The following GPR160 variants were observed in gnomAD, a reference collection of about 807,000 sequenced individuals.
GPR160 encodes G protein-coupled receptor 160.
A neutral mutation model predicts 2.6 loss-of-function variants in GPR160; 2 were observed. That is an observed-to-expected ratio of 0.77 (90% CI 0.32 to 2.44). GPR160 has a LOEUF of 2.44. Ranked by LOEUF, GPR160 falls within the 30% of genes most tolerant of loss-of-function variation. The pLI, the probability that GPR160 is intolerant of heterozygous loss-of-function variation, is 0.11. For synonymous variants in GPR160, 130 were observed against 132.2 expected, an observed-to-expected ratio of 0.98 and a Z score of 0.12; for missense variants, 351 against 383.6, an observed-to-expected ratio of 0.91 and a Z score of 0.71.
At chr3:170,076,027 C>T (rs958610959) in intron 2 of GPR160, among the ~76,000 whole-genome samples, 1 of 152,142 alleles carries the variant, frequency 6.6e-6, no homozygotes, top group Non-Finnish European at 1.5e-5. Flanking sequence ...CACTAGTTGT[C>T]TTAATAAGGA....
chr3:170,074,080 G>A (rs1218275485), intron 2 of GPR160, among the ~76,000 whole-genome samples: 6 of 151,578 alleles, frequency 4.0e-5, no homozygotes, highest in Non-Finnish European at 7.4e-5. Flanking sequence ...TAGAGACGGG[G>A]GTTTCACCAT....
chr3:170,060,019 C>G (rs1711860158), intron 2 of GPR160, among the ~76,000 whole-genome samples: 1 of 151,852 alleles, frequency 6.6e-6, no homozygotes, highest in South Asian at 2.1e-4. Flanking sequence ...ATCAGTGTGC[C>G]ACCCAGATTC....
At chr3:170,067,119 C>T (rs903406583) in intron 2 of GPR160, among the ~76,000 whole-genome samples, 3 of 152,232 alleles carry the variant, frequency 2.0e-5, no homozygotes, top group Middle Eastern at 3.2e-3. Context: ...GTCCTCCCGC[C>T]TCAACCTCCC....
At chr3:170,080,484 T>G (rs1363323627) in intron 3 of GPR160, among the ~76,000 whole-genome samples, 1 of 152,218 alleles carries the variant, frequency 6.6e-6, no homozygotes, top group Admixed American at 6.5e-5. Flanking sequence ...GGACTTGTCT[T>G]CTTTATTCCA....
chr3:170,042,554 G>T (rs1024892383), intron 2 of GPR160, among the ~76,000 whole-genome samples: 2 of 151,084 alleles, frequency 1.3e-5, no homozygotes, highest in Non-Finnish European at 3.0e-5. Flanking sequence ...GGCTGGGTGT[G>T]GTGGCTCGCA....
At chr3:170,045,227 G>T (rs1329708250) in intron 2 of GPR160, among the ~76,000 whole-genome samples, 1 of 151,712 alleles carries the variant, frequency 6.6e-6, no homozygotes, top group African/African-American at 2.4e-5. Flanking sequence ...AACGGACATG[G>T]AATAAACAAG....
intron 2 of GPR160, among the ~76,000 whole-genome samples, chr3:170,066,570 G>C (rs1163009085): frequency 6.6e-6 from 1 of 152,184 alleles, no homozygotes. Flanking sequence ...TTAAAAGAGA[G>C]CTGCATAGTA....
At chr3:170,042,679 A>AT (rs202045924) in intron 2 of GPR160, among the ~76,000 whole-genome samples, 3,867 of 145,566 alleles carry the variant, frequency 0.027, 169 homozygotes, top group African/African-American at 0.093. Flanking sequence ...AAAAAAAAAT[A>AT]AATAAATAAT....
intron 2 of GPR160, among the ~76,000 whole-genome samples, chr3:170,055,581 G>T (rs1711599353): frequency 6.6e-6 from 1 of 152,114 alleles, no homozygotes; most frequent in Non-Finnish European, 1.5e-5. Context: ...AAGACTAAAG[G>T]ACATGATAAT....
At chr3:170,075,277 A>C in intron 2 of GPR160, among the ~76,000 whole-genome samples, 1 of 152,214 alleles carries the variant, frequency 6.6e-6, no homozygotes, top group East Asian at 1.9e-4. Flanking sequence ...AAAATGCAAA[A>C]GTATATGACT....
chr3:170,055,940 ACT>A (rs750548413), intron 2 of GPR160, among the ~76,000 whole-genome samples: 2 of 151,298 alleles, frequency 1.3e-5, no homozygotes, highest in South Asian at 4.2e-4. Context: ...GGCCTTAAAA[ACT>A]CTTTTTAAAC....
Position 170,084,367 on chromosome 3 carries a change from T to G in GPR160, c.395T>G (p.Phe132Cys), listed in dbSNP as rs201952152. Residue 132 changes from phenylalanine to cysteine, a missense_variant, in exon 4 of 4, where the codon TTT becomes TGT. Coordinates refer to ENST00000355897, the MANE Select transcript of GPR160 (RefSeq NM_014373.3). ...TTCTCTAAAACAACCAAGCTTTCAT[T>G]TAAGTGTCAAAAATTATTTTATTTC... Reference protein sequence around the residue: ...LNFSKTTKLSFKCQKLFYFFT... With the variant: ...LNFSKTTKLSCKCQKLFYFFT... 95 of 1,609,172 alleles carry G rather than the reference T, an allele frequency of 5.9e-5. No individual in the cohort carries two copies. The highest frequency in any genetic ancestry group is 8.1e-5 in the Non-Finnish European group (95 of 1,176,482).
At chr3:170,042,224 C>A (rs1716481826) in intron 2 of GPR160, among the ~76,000 whole-genome samples, 1 of 151,894 alleles carries the variant, frequency 6.6e-6, no homozygotes, top group South Asian at 2.1e-4. Context: ...GCCTGGGCAA[C>A]ATAGTGAGAC....
intron 2 of GPR160, among the ~76,000 whole-genome samples, chr3:170,064,978 A>G (rs943931386): frequency 6.6e-6 from 1 of 152,102 alleles, no homozygotes; most frequent in African/African-American, 2.4e-5. Context: ...GCTACCTAAG[A>G]AAGTCTCTTC....
intron 2 of GPR160, among the ~76,000 whole-genome samples, chr3:170,052,268 G>A (rs556104699): frequency 1.3e-5 from 2 of 152,312 alleles, no homozygotes; most frequent in South Asian, 4.1e-4. Context: ...AGTAGTAGAA[G>A]TACTGGATCA....
chr3:170,047,835 CTTTT>C (rs1225615379), intron 2 of GPR160, among the ~76,000 whole-genome samples: 6 of 125,070 alleles, frequency 4.8e-5, no homozygotes, highest in African/African-American at 3.2e-5. Flanking sequence ...GGACATTATT[CTTTT>C]TTTTTTTTTT....
intron 2 of GPR160, among the ~76,000 whole-genome samples, chr3:170,074,508 G>A (rs911067217): frequency 6.6e-6 from 1 of 151,748 alleles, no homozygotes; most frequent in African/African-American, 2.4e-5. Context: ...TTGAGACAGG[G>A]TCTTCTTCTG....
In GPR160 at chr3:170,038,224, G is replaced by C. The variant is rs925861876; in HGVS notation, c.-322+9G>C. On this transcript the variant is annotated intron_variant, in intron 1 of 3. Transcript: ENST00000355897. The surrounding 1 kb of genome is among the most constrained non-coding windows in gnomAD (Gnocchi z 5.3). ...CAGCCATCGATCCTCGGGTGAGTGC[G>C]GGCGCAGGTGGAGGGCGCCCGGCGC... 2.0e-5 allele frequency: 3 copies of C among 152,118 alleles called. No individual in the cohort carries two copies. Among genetic ancestry groups the C allele is most frequent in the African/African-American group, 7.2e-5 (3 of 41,450 alleles). 9.4% of individuals were successfully genotyped at this position (152,118 alleles called of 1,614,324 possible).
intron 2 of GPR160, among the ~76,000 whole-genome samples, chr3:170,068,633 ACTT>A: frequency 6.6e-6 from 1 of 152,084 alleles, no homozygotes; most frequent in Non-Finnish European, 1.5e-5. Context: ...TTACCTTACT[ACTT>A]CTGCCATCAT....
Sources: gnomAD v4.1 joint callset for allele counts (sites outside exome capture counted in the v4.1 genomes callset) on GRCh38, gnomAD v4.1.1 for gene constraint, Gnocchi (gnomAD v3.1) non-coding constraint, MANE v1.5 for transcripts, NCBI Gene and HGNC (gene_info 2026-07-23, HGNC 2026-07-21) for gene names.